CNTN4: variants seen among roughly 807,000 people sequenced by gnomAD.
CNTN4 encodes the protein contactin 4.
Under a neutral mutation model 122.5 loss-of-function variants are expected in CNTN4, and 77 were observed. The ratio of observed to expected loss-of-function variants is 0.63; its 90% CI spans 0.52 to 0.76. CNTN4 has a LOEUF of 0.76. Ranked by LOEUF, CNTN4 falls within the 30% of genes least tolerant of loss-of-function variation. The pLI is 0.00. For synonymous variants in CNTN4, 512 were observed against 447.0 expected (o/e 1.15, Z -1.83); for missense variants, 1,256 against 1,259.1 (o/e 1.00, Z 0.04).
At chr3:3,016,032 A>G (rs1407018359) in intron 14 of CNTN4, among the ~76,000 whole-genome samples, 1 of 152,168 alleles carries the variant, frequency 6.6e-6, no homozygotes, top group Non-Finnish European at 1.5e-5. Context: ...ACTTATGTGC[A>G]GTCACTGAAA....
intron 3 of CNTN4, among the ~76,000 whole-genome samples, chr3:2,521,343 T>TCCCCCCCCCCC (rs5846190): frequency 3.9e-5 from 5 of 128,308 alleles, no homozygotes; most frequent in African/African-American, 1.6e-4. Context: ...CCTCTACCCA[T>TCCCCCCCCCCC]CCCCCCCACC....
chr3:2,957,063 A>G (rs1191277000), intron 13 of CNTN4, among the ~76,000 whole-genome samples: 1 of 152,140 alleles, frequency 6.6e-6, no homozygotes, highest in Admixed American at 6.6e-5. Flanking sequence ...TTGTTTCTAT[A>G]TCTTGGCTAT....
rs115760846 is a variant in CNTN4, at chr3:2,697,754, C to T, written c.56-38461C>T. 5.1e-3 allele frequency among the ~76,000 whole-genome samples: 783 copies of T among 152,158 alleles called. 7 individuals are homozygous for T. The highest frequency in any genetic ancestry group is 0.017 in the African/African-American group (718 of 41,496). ...ACTTATTTTAAGGAACTGGCTCATG[C>T]AGTTGTGAGGGCTGTCAAGTCTGAA... On this transcript the variant is annotated intron_variant, in intron 4 of 24. Transcript: ENST00000418658.
chr3:2,393,614 G>T (rs894935054), intron 3 of CNTN4, among the ~76,000 whole-genome samples: 2 of 152,054 alleles, frequency 1.3e-5, no homozygotes, highest in African/African-American at 4.8e-5. Context: ...ATTATATAAA[G>T]TATAATAATG....
chr3:2,125,939 G>A (rs1330041858), intron 2 of CNTN4, among the ~76,000 whole-genome samples: 1 of 150,836 alleles, frequency 6.6e-6, no homozygotes, highest in Non-Finnish European at 1.5e-5. Context: ...ATGTGTGTAT[G>A]TGTGTGTGTT....
At chr3:2,297,889 C>G (rs1368557476) in intron 2 of CNTN4, among the ~76,000 whole-genome samples, 2 of 152,176 alleles carry the variant, frequency 1.3e-5, no homozygotes, top group Non-Finnish European at 2.9e-5. Flanking sequence ...TGCCACCACA[C>G]CTGGCTAATT....
chr3:2,465,545 C>T (rs772203226), intron 3 of CNTN4, among the ~76,000 whole-genome samples: 5 of 152,002 alleles, frequency 3.3e-5, no homozygotes, highest in Non-Finnish European at 5.9e-5. Context: ...GGTGTGGCAG[C>T]GTGCGCCTGT....
chr3:3,021,486 T>A (rs1698282524), intron 14 of CNTN4, among the ~76,000 whole-genome samples: 1 of 152,156 alleles, frequency 6.6e-6, no homozygotes, highest in Admixed American at 6.6e-5. Flanking sequence ...AGAATCCCAC[T>A]TTTAAATTGT....
At chr3:2,148,659 A>C (rs2035357477) in intron 2 of CNTN4, among the ~76,000 whole-genome samples, 1 of 152,160 alleles carries the variant, frequency 6.6e-6, no homozygotes, top group African/African-American at 2.4e-5. Context: ...GTTTGTGTAA[A>C]TCTTATGAGG....
At chr3:2,128,997 T>G (rs748707233) in intron 2 of CNTN4, among the ~76,000 whole-genome samples, 41 of 152,182 alleles carry the variant, frequency 2.7e-4, no homozygotes, top group Non-Finnish European at 4.0e-4. Flanking sequence ...ATATACTTCA[T>G]GGAACATGGA....
chr3:2,765,877 C>CCA (rs2090835475), intron 6 of CNTN4, among the ~76,000 whole-genome samples: 1 of 152,064 alleles, frequency 6.6e-6, no homozygotes, highest in Admixed American at 6.6e-5. Context: ...GACACTGTAC[C>CCA]CACACACACA....
chr3:2,249,316 C>A (rs2040284857), intron 2 of CNTN4, among the ~76,000 whole-genome samples: 18 of 151,964 alleles, frequency 1.2e-4, no homozygotes, highest in Admixed American at 9.8e-4. Context: ...TGTAGTATCA[C>A]ATCCAAAGGA....
chr3:2,340,619 G>C (rs1190824107), intron 3 of CNTN4, among the ~76,000 whole-genome samples: 2 of 148,122 alleles, frequency 1.4e-5, no homozygotes, highest in Non-Finnish European at 1.5e-5. Flanking sequence ...GGTCAAGGCT[G>C]CAACGAGTTG....
intron 3 of CNTN4, among the ~76,000 whole-genome samples, chr3:2,456,639 G>C (rs1422269961): frequency 6.6e-6 from 1 of 152,040 alleles, no homozygotes. Flanking sequence ...TCTGTGTCTA[G>C]CTTTTTTCAT....
chr3:2,953,111 A>T (rs2094763124), intron 13 of CNTN4, among the ~76,000 whole-genome samples: 1 of 152,208 alleles, frequency 6.6e-6, no homozygotes, highest in African/African-American at 2.4e-5. Flanking sequence ...AACTGTGTCC[A>T]CTATATGAAG....
At chr3:2,585,574 C>T (rs1576105181) in intron 4 of CNTN4, among the ~76,000 whole-genome samples, 1 of 151,542 alleles carries the variant, frequency 6.6e-6, no homozygotes, top group South Asian at 2.1e-4. Flanking sequence ...TCATTCTGAG[C>T]AAACTATCGC....
chr3:2,484,761 A>T (rs2151613213), intron 3 of CNTN4, among the ~76,000 whole-genome samples: 1 of 152,320 alleles, frequency 6.6e-6, no homozygotes, highest in South Asian at 2.1e-4. Flanking sequence ...GGCAGCCCTC[A>T]CAGCCCTTGC....
At chr3:2,473,117 G>C (rs2075733889) in intron 3 of CNTN4, among the ~76,000 whole-genome samples, 1 of 151,778 alleles carries the variant, frequency 6.6e-6, no homozygotes, top group Admixed American at 6.6e-5. Flanking sequence ...TGTAATCCCA[G>C]GTACTCAGGA....
chr3:2,251,227 G>A (rs1298262386), intron 2 of CNTN4, among the ~76,000 whole-genome samples: 2 of 151,864 alleles, frequency 1.3e-5, no homozygotes, highest in Non-Finnish European at 2.9e-5. Context: ...GGGAAGTTCA[G>A]CATGGCCACC....
Sources: allele counts gnomAD v4.1 joint callset (sites outside exome capture counted in the v4.1 genomes callset), GRCh38; gene constraint gnomAD v4.1.1; transcripts MANE v1.5; gene names NCBI Gene and HGNC (gene_info 2026-07-23, HGNC 2026-07-21).